The following HTR2C variants were observed in gnomAD, a reference collection of about 807,000 sequenced individuals.
The protein encoded by HTR2C is 5-hydroxytryptamine receptor 2C.
A neutral mutation model predicts 21.0 loss-of-function variants in HTR2C; 5 were observed. That is an observed-to-expected ratio of 0.24 (90% CI 0.12 to 0.50). The LOEUF (loss-of-function observed/expected upper bound fraction) is 0.50. Ranked by LOEUF, HTR2C falls within the 20% of genes least tolerant of loss-of-function variation. HTR2C has a pLI of 0.98. For missense variants in HTR2C, 271 were observed against 371.2 expected, an observed-to-expected ratio of 0.73 and a Z score of 2.22; for synonymous variants, 150 against 145.3, an observed-to-expected ratio of 1.03 and a Z score of -0.23.
chrX:114,630,352 T>C (rs1929562984), intron 2 of HTR2C, among the ~76,000 whole-genome samples: 1 of 111,986 alleles, frequency 8.9e-6, no homozygotes, highest in African/African-American at 3.2e-5. Context: ...CAAATGGTAA[T>C]TTGAAAAAAT....
At chrX:114,905,267 C>T (rs1448342599) in intron 5 of HTR2C, among the ~76,000 whole-genome samples, 1 of 111,793 alleles carries the variant, frequency 8.9e-6, no homozygotes, top group Non-Finnish European at 1.9e-5. Context: ...AAAGGCCAGT[C>T]ATTTTAGAAA....
At chrX:114,654,345 G>A (rs1930703234) in intron 2 of HTR2C, among the ~76,000 whole-genome samples, 1 of 107,209 alleles carries the variant, frequency 9.3e-6, no homozygotes, top group African/African-American at 3.4e-5. Context: ...AAAAACTCAT[G>A]GTACCTACCT....
At chrX:114,880,953 C>T (rs781848013) in intron 5 of HTR2C, among the ~76,000 whole-genome samples, 4 of 110,678 alleles carry the variant, frequency 3.6e-5, no homozygotes, top group South Asian at 7.4e-4. Flanking sequence ...TTCTGGGTCA[C>T]GTGGTAACTG....
At chrX:114,803,560 C>A (rs1478799371) in intron 4 of HTR2C, among the ~76,000 whole-genome samples, 1 of 104,990 alleles carries the variant, frequency 9.5e-6, no homozygotes, top group African/African-American at 3.4e-5. Flanking sequence ...ATGTCCTTTG[C>A]CCACTTTTTG....
intron 4 of HTR2C, among the ~76,000 whole-genome samples, chrX:114,792,550 T>C (rs1248176835): frequency 8.9e-6 from 1 of 111,834 alleles, no homozygotes; most frequent in African/African-American, 3.2e-5. Context: ...TCTCATGTCT[T>C]TGGTATTGTG....
At chrX:114,677,309 T>C (rs1187584732) in intron 2 of HTR2C, among the ~76,000 whole-genome samples, 1 of 111,403 alleles carries the variant, frequency 9.0e-6, no homozygotes, top group Non-Finnish European at 1.9e-5. Context: ...GGCGAGACTA[T>C]TGGAATAATC....
intron 2 of HTR2C, among the ~76,000 whole-genome samples, chrX:114,641,130 G>A (rs1556406399): frequency 1.9e-5 from 2 of 105,321 alleles, no homozygotes; most frequent in Non-Finnish European, 3.9e-5. Flanking sequence ...CTGAAGTGTA[G>A]TAGCACAATC....
At chrX:114,773,508 TACAA>T (rs2070026075) in intron 4 of HTR2C, among the ~76,000 whole-genome samples, 1 of 112,376 alleles carries the variant, frequency 8.9e-6, no homozygotes, top group African/African-American at 3.2e-5. Flanking sequence ...TTAAATAATC[TACAA>T]ACAGACAATT....
intron 2 of HTR2C, among the ~76,000 whole-genome samples, chrX:114,669,092 GTTTT>G: frequency 9.5e-6 from 1 of 105,429 alleles, no homozygotes; most frequent in South Asian, 4.1e-4. Flanking sequence ...ACTTGTGTCA[GTTTT>G]TTTTTTATAC....
chrX:114,751,489 G>A (rs2069760010), intron 4 of HTR2C, among the ~76,000 whole-genome samples: 1 of 111,772 alleles, frequency 8.9e-6, no homozygotes, highest in Admixed American at 9.5e-5. Context: ...GGGGGAGAAT[G>A]AGGGACATGT....
rs782206973 is a variant in HTR2C at position 114,741,524 on chromosome X, TAAAAAAAA to T, written c.349+9935_349+9942del. Among the ~76,000 whole-genome samples, 28 of 4,900 alleles carry T rather than the reference TAAAAAAAA, an allele frequency of 5.7e-3. 3 individuals carry two copies. The East Asian group carries it at 0.23, about 40-fold the overall frequency. 4.3% of individuals were successfully genotyped at this position (4,900 alleles called of 115,157 possible). The stretch of plus-strand genomic sequence containing the variant: ...GGCGACAGAGCAAGACGACTCCGTC[TAAAAAAAA>T]AAAAAAAAAAAAAAAAATATGAGAT... On this transcript the variant is annotated intron_variant, in intron 4 of 5. Coordinates refer to ENST00000276198, the MANE Select transcript of HTR2C (RefSeq NM_000868.4).
chrX:114,600,261 T>C (rs1253429238), intron 1 of HTR2C, among the ~76,000 whole-genome samples: 2 of 112,408 alleles, frequency 1.8e-5, no homozygotes, highest in African/African-American at 6.5e-5. Context: ...GTGCTCTTTT[T>C]CCATAGTACC....
At chrX:114,732,486 T>C (rs1165804799) in intron 4 of HTR2C, among the ~76,000 whole-genome samples, 1 of 111,016 alleles carries the variant, frequency 9.0e-6, no homozygotes, top group Non-Finnish European at 1.9e-5. Flanking sequence ...GTGTATCTAG[T>C]TGTCGAATCC....
intron 5 of HTR2C, among the ~76,000 whole-genome samples, chrX:114,861,960 C>A (rs192156911): frequency 5.3e-4 from 59 of 111,245 alleles, no homozygotes; most frequent in African/African-American, 1.8e-3. Context: ...TTATTTCCTT[C>A]ACTGTTTAGA....
At chrX:114,807,482 A>ACGC (rs1182608537) in intron 4 of HTR2C, among the ~76,000 whole-genome samples, 12 of 93,879 alleles carry the variant, frequency 1.3e-4, no homozygotes, top group African/African-American at 4.1e-4. Context: ...CCATATATAT[A>ACGC]CATCATATAT....
At chrX:114,805,682 TACCATATATATAC>T (rs199859739) in intron 4 of HTR2C, among the ~76,000 whole-genome samples, 1 of 7,263 alleles carries the variant, frequency 1.4e-4, no homozygotes, top group African/African-American at 3.0e-4. Flanking sequence ...ACCATATATA[TACCATATATATAC>T]ACCATATATA....
chrX:114,829,184 A>G (rs1556459672), intron 4 of HTR2C, among the ~76,000 whole-genome samples: 1 of 110,913 alleles, frequency 9.0e-6, no homozygotes, highest in East Asian at 2.8e-4. Flanking sequence ...GAGGTTTCCA[A>G]TTTTTTCTCC....
intron 2 of HTR2C, among the ~76,000 whole-genome samples, chrX:114,619,025 T>G (rs1249125584): frequency 2.7e-5 from 3 of 111,842 alleles, no homozygotes; most frequent in Non-Finnish European, 5.6e-5. Flanking sequence ...TCTCTATATA[T>G]TTATTTTTGC....
chrX:114,680,379 G>C (rs1476833296), intron 2 of HTR2C, among the ~76,000 whole-genome samples: 2 of 112,000 alleles, frequency 1.8e-5, no homozygotes, highest in Admixed American at 1.9e-4. Context: ...CAGGAGAAAA[G>C]CATACAAGTG....
Sources: allele counts gnomAD v4.1 joint callset (sites outside exome capture counted in the v4.1 genomes callset), GRCh38; gene constraint gnomAD v4.1.1; transcripts MANE v1.5; gene names NCBI Gene and HGNC (gene_info 2026-07-23, HGNC 2026-07-21).